Variants in DCUN1D1 observed in about 807,000 individuals in gnomAD.
DCUN1D1 encodes the protein defective in cullin neddylation 1 domain containing 1.
In DCUN1D1, 3 loss-of-function variants were observed where a neutral mutation model predicts 39.0. The ratio of observed to expected loss-of-function variants is 0.08; its 90% CI spans 0.04 to 0.20. The LOEUF (loss-of-function observed/expected upper bound fraction) is 0.20. Among genes scored for constraint, DCUN1D1 ranks in the 10% least tolerant of loss-of-function variants. The probability of loss-of-function intolerance (pLI) is 1.00; values close to 1 mark genes in which losing one functional copy is unlikely to be tolerated. For missense variants in DCUN1D1, 158 were observed against 302.4 expected, an observed-to-expected ratio of 0.52 and a Z score of 3.54; for synonymous variants, 82 against 96.3, an observed-to-expected ratio of 0.85 and a Z score of 0.87.
At chr3:182,970,090 C>CT (rs1288783325) in intron 1 of DCUN1D1, among the ~76,000 whole-genome samples, 1 of 151,942 alleles carries the variant, frequency 6.6e-6, no homozygotes, top group Non-Finnish European at 1.5e-5. Flanking sequence ...GAGACTGTCG[C>CT]TACAAAAATT....
intron 1 of DCUN1D1, among the ~76,000 whole-genome samples, chr3:182,979,850 C>A (rs943028358): frequency 6.6e-6 from 1 of 152,108 alleles, no homozygotes. Context: ...ATAACCTCCA[C>A]CAACTGGCCG....
intron 1 of DCUN1D1, among the ~76,000 whole-genome samples, chr3:182,977,897 G>A (rs901831075): frequency 6.6e-5 from 10 of 151,936 alleles, no homozygotes; most frequent in Non-Finnish European, 1.3e-4. Flanking sequence ...AAAATCAGCC[G>A]GGTATGTTGG....
At chr3:182,950,081 C>G (rs933741184) in intron 4 of DCUN1D1, among the ~76,000 whole-genome samples, 29 of 152,212 alleles carry the variant, frequency 1.9e-4, no homozygotes, top group African/African-American at 7.0e-4. Context: ...TTCCCCTCTT[C>G]TCAACATCTC....
chr3:182,960,044 C>T (rs2108644075), intron 4 of DCUN1D1, among the ~76,000 whole-genome samples: 1 of 152,288 alleles, frequency 6.6e-6, no homozygotes, highest in South Asian at 2.1e-4. Flanking sequence ...TGCCCCACTC[C>T]TAGCCTGCAG....
At chr3:182,980,081 AC>A in intron 1 of DCUN1D1, 1 of 901,772 alleles carries the variant, frequency 1.1e-6, no homozygotes, top group Non-Finnish European at 1.3e-6. Context: ...CTCACCCGGA[AC>A]CCCAGACCCC....
intron 1 of DCUN1D1, among the ~76,000 whole-genome samples, chr3:182,973,807 C>CA (rs56747322): frequency 0.14 from 12,270 of 88,372 alleles, 1,565 homozygotes; most frequent in African/African-American, 0.39. Flanking sequence ...AACTCCGGCT[C>CA]AAAAAAAAAA....
chr3:182,946,775 G>A (rs1726431170), intron 6 of DCUN1D1, among the ~76,000 whole-genome samples: 2 of 151,938 alleles, frequency 1.3e-5, no homozygotes, highest in Non-Finnish European at 2.9e-5. Context: ...AGAAGAATAT[G>A]GATTGGTAAA....
chr3:182,951,519 G>A (rs552761058), intron 4 of DCUN1D1, among the ~76,000 whole-genome samples: 13 of 149,146 alleles, frequency 8.7e-5, no homozygotes, highest in African/African-American at 2.5e-4. Flanking sequence ...AAGAGGTTGA[G>A]GCAGGAAGAG....
rs944506745 is a variant in DCUN1D1, at chr3:182,939,183, C to T, written c.*5911G>A. The T allele has an allele frequency of 3.3e-5, 5 of 152,188 alleles. No homozygotes were observed. Among genetic ancestry groups the T allele is most frequent in the Non-Finnish European group, 5.9e-5 (4 of 68,036 alleles). 9.4% of individuals were successfully genotyped at this position (152,188 alleles called of 1,614,324 possible). On this transcript the variant is annotated 3_prime_UTR_variant, in exon 7 of 7. Transcript: ENST00000292782. ...AACTCACACACATAAAGTAAATACCCGCCAGGATGGCTGCAATAAAAAAGA... is the reference window on the plus strand; with the variant it reads ...AACTCACACACATAAAGTAAATACCTGCCAGGATGGCTGCAATAAAAAAGA...
rs573733934 is a variant in DCUN1D1 at position 182,946,128 on chromosome 3, T to A, written c.701-955A>T. ...AATCAATGTAAATCACTTCTACATA[T>A]AGAAAAATACAAGTCCACATCCTAG... On this transcript the variant is annotated intron_variant, in intron 6 of 6. Coordinates refer to ENST00000292782, the MANE Select transcript of DCUN1D1 (RefSeq NM_020640.4). 3.3e-5 allele frequency among the ~76,000 whole-genome samples: 5 copies of A among 152,304 alleles called. No individual in the cohort carries two copies. The East Asian group carries it at 9.7e-4, about 29-fold the overall frequency.
intron 1 of DCUN1D1, among the ~76,000 whole-genome samples, chr3:182,966,073 C>G (rs1257255288): frequency 6.6e-6 from 1 of 152,032 alleles, no homozygotes; most frequent in East Asian, 1.9e-4. Context: ...CTCCAAACCC[C>G]GACCAAGCAC....
intron 1 of DCUN1D1, chr3:182,980,109 CA>C (rs1218133357): frequency 3.2e-6 from 3 of 950,308 alleles, no homozygotes; most frequent in African/African-American, 3.5e-5. Context: ...CGACCAGACA[CA>C]ATGGAGCCGG....
intron 1 of DCUN1D1, among the ~76,000 whole-genome samples, chr3:182,976,994 T>C (rs1055429196): frequency 6.6e-6 from 1 of 152,270 alleles, no homozygotes; most frequent in Non-Finnish European, 1.5e-5. Flanking sequence ...AGTTCATATA[T>C]ATTTAAAGCC....
Position 182,945,041 on chromosome 3 carries a change from TTC to T in DCUN1D1, c.*51_*52del, listed in dbSNP as rs1443015489. 12 of 1,483,512 alleles carry T rather than the reference TTC, an allele frequency of 8.1e-6. No homozygotes were observed. Among genetic ancestry groups the T allele is most frequent in the Non-Finnish European group, 1.1e-5 (12 of 1,066,200 alleles). The allele number at this position is 1,483,512 out of a possible 1,614,324, so 91.9% of individuals were successfully genotyped here. On this transcript the variant is annotated 3_prime_UTR_variant, in exon 7 of 7. Transcript: ENST00000292782. Reference sequence around the variant, plus strand: ...GCCAGCAGAAATTGACTGTGCAATTTTCTGTTGTATTTATTGTACAGACTATG... The same window carrying T: ...GCCAGCAGAAATTGACTGTGCAATTTTGTTGTATTTATTGTACAGACTATG...
At chr3:182,978,052 A>AC (rs1358282418) in intron 1 of DCUN1D1, among the ~76,000 whole-genome samples, 3 of 127,130 alleles carry the variant, frequency 2.4e-5, no homozygotes, top group Non-Finnish European at 5.4e-5. Context: ...AAAAAAAAAA[A>AC]ACAACAACAA....
Position 182,943,114 on chromosome 3 carries a change from G to GAAAAAAAAAA in DCUN1D1, c.*1970_*1979dup, listed in dbSNP as rs57297234. 1.8e-5 allele frequency: 1 copy of GAAAAAAAAAA among 54,406 alleles called. No homozygotes were observed. The highest frequency in any genetic ancestry group is 6.8e-5 in the African/African-American group (1 of 14,678). 3.4% of individuals were successfully genotyped at this position (54,406 alleles called of 1,614,324 possible). ...ACTTTTAAAGAAAACACTTTATATT[G>GAAAAAAAAAA]AAAAAAAAAAAAAAAAAAAAAAGCT... On this transcript the variant is annotated 3_prime_UTR_variant, in exon 7 of 7. Transcript: ENST00000292782.
upstream of DCUN1D1, among the ~76,000 whole-genome samples, chr3:182,982,751 T>C (rs1008430339): frequency 1.3e-5 from 2 of 152,160 alleles, no homozygotes; most frequent in East Asian, 1.9e-4. Flanking sequence ...CAAGCGATTC[T>C]CCTGTCTCAG....
At chr3:182,953,956 C>T (rs974553016) in intron 4 of DCUN1D1, among the ~76,000 whole-genome samples, 1 of 152,124 alleles carries the variant, frequency 6.6e-6, no homozygotes, top group African/African-American at 2.4e-5. Flanking sequence ...GCAGGATGAA[C>T]ATGGAAATGA....
At chr3:182,978,657 G>A (rs1728365009) in intron 1 of DCUN1D1, among the ~76,000 whole-genome samples, 1 of 152,174 alleles carries the variant, frequency 6.6e-6, no homozygotes, top group Non-Finnish European at 1.5e-5. Context: ...TTACAGGCAT[G>A]AGCCACCGTG....
Sources: gnomAD v4.1 joint callset for allele counts (sites outside exome capture counted in the v4.1 genomes callset) on GRCh38, gnomAD v4.1.1 for gene constraint, MANE v1.5 for transcripts, NCBI Gene and HGNC (gene_info 2026-07-23, HGNC 2026-07-21) for gene names.